RBM33: variants seen among roughly 807,000 people sequenced by gnomAD.
RBM33 encodes RNA binding motif protein 33.
In RBM33, 28 loss-of-function variants were observed where a neutral mutation model predicts 132.6. The observed-to-expected ratio is 0.21, with a 90% CI of 0.16 to 0.29. The LOEUF is 0.29. RBM33 is among the 10% of genes least tolerant of loss of function. The probability of loss-of-function intolerance (pLI) is 1.00; values close to 1 mark genes in which losing one functional copy is unlikely to be tolerated. For synonymous variants in RBM33, 634 were observed against 593.0 expected, an observed-to-expected ratio of 1.07 and a Z score of -1.01; for missense variants, 1,291 against 1,518.5, an observed-to-expected ratio of 0.85 and a Z score of 2.49.
intron 5 of RBM33, among the ~76,000 whole-genome samples, chr7:155,696,185 A>G (rs1233314231): frequency 2.0e-5 from 3 of 152,224 alleles, no homozygotes; most frequent in Non-Finnish European, 4.4e-5. Context: ...GTGTAAATCC[A>G]CTAATTTTAT....
At chr7:155,685,557 C>T (rs1434797195) in intron 5 of RBM33, among the ~76,000 whole-genome samples, 1 of 152,166 alleles carries the variant, frequency 6.6e-6, no homozygotes, top group Non-Finnish European at 1.5e-5. Context: ...GGCTCAGAGA[C>T]AGTGCTAGGA....
intron 14 of RBM33, among the ~76,000 whole-genome samples, chr7:155,762,623 C>T (rs992336205): frequency 6.6e-6 from 1 of 152,164 alleles, no homozygotes; most frequent in Admixed American, 6.5e-5. Context: ...TCCATCTTGC[C>T]CCAATCCCAT....
chr7:155,652,155 T>C (rs1798372654), intron 1 of RBM33, among the ~76,000 whole-genome samples: 1 of 152,210 alleles, frequency 6.6e-6, no homozygotes, highest in African/African-American at 2.4e-5. Context: ...TAGGAACATA[T>C]TATACATGAG....
At chr7:155,673,477 C>A (rs946168233) in intron 3 of RBM33, among the ~76,000 whole-genome samples, 2 of 130,436 alleles carry the variant, frequency 1.5e-5, no homozygotes, top group African/African-American at 2.8e-5. Context: ...TATACATACA[C>A]GTGTGTATAT....
At chr7:155,729,438 T>A (rs1800889607) in intron 9 of RBM33, among the ~76,000 whole-genome samples, 1 of 152,092 alleles carries the variant, frequency 6.6e-6, no homozygotes, top group Admixed American at 6.5e-5. Context: ...AGAATACAAG[T>A]TAAAATAATT....
intron 2 of RBM33, among the ~76,000 whole-genome samples, chr7:155,668,037 A>G (rs556826082): frequency 6.6e-6 from 1 of 152,358 alleles, no homozygotes; most frequent in Non-Finnish European, 1.5e-5. Flanking sequence ...TTTAAAATAT[A>G]GCCACAATAG....
intron 1 of RBM33, among the ~76,000 whole-genome samples, chr7:155,655,127 T>A (rs577770335): frequency 5.3e-4 from 80 of 152,338 alleles, no homozygotes; most frequent in Non-Finnish European, 7.5e-4. Flanking sequence ...TAACTACCAT[T>A]GTAGCAGTTT....
Position 155,664,239 on chromosome 7 carries a change from A to ATGTG in RBM33, c.44-935_44-934insGTGT, listed in dbSNP as rs757645840. On this transcript the variant is annotated intron_variant, in intron 1 of 17. Transcript: ENST00000401878. ...TGAGTACACATTATGACTTATATAT[A>ATGTG]TATATGTGTGTGTGTGTGTATATAC... 1.3e-3 allele frequency among the ~76,000 whole-genome samples: 197 copies of ATGTG among 146,386 alleles called. 1 individual carries two copies. The highest frequency in any genetic ancestry group is 3.2e-3 in the Admixed American group (47 of 14,692).
intron 14 of RBM33, among the ~76,000 whole-genome samples, chr7:155,748,229 T>C (rs982812371): frequency 6.6e-6 from 1 of 152,280 alleles, no homozygotes; most frequent in Non-Finnish European, 1.5e-5. Flanking sequence ...CCATTTTTTC[T>C]AACCTATACT....
chr7:155,692,957 GTCT>G (rs1409259922), intron 5 of RBM33, among the ~76,000 whole-genome samples: 21 of 152,160 alleles, frequency 1.4e-4, no homozygotes, highest in Non-Finnish European at 2.9e-4. Flanking sequence ...ACCAAGTGTT[GTCT>G]TAGTTCTGTT....
rs114560034 is a variant in RBM33 at position 155,649,309 on chromosome 7, C to T, written c.43+4390C>T. ...TTATTTACTTGTTTTTTAAATCTGC[C>T]TCCCACATAAGCCTGTAAGCCTCAT... On this transcript the variant is annotated intron_variant, in intron 1 of 17. Coordinates refer to ENST00000401878, the MANE Select transcript of RBM33 (RefSeq NM_053043.3). Among the ~76,000 whole-genome samples, 652 of 152,184 alleles carry T rather than the reference C, an allele frequency of 4.3e-3. 6 individuals carry two copies. Among genetic ancestry groups the T allele is most frequent in the African/African-American group, 0.015 (619 of 41,524 alleles).
At chr7:155,759,873 G>A (rs1329568398) in intron 14 of RBM33, among the ~76,000 whole-genome samples, 2 of 152,134 alleles carry the variant, frequency 1.3e-5, no homozygotes, top group African/African-American at 2.4e-5. Flanking sequence ...CAGAGCATTC[G>A]TCTTGCTGTC....
intron 9 of RBM33, among the ~76,000 whole-genome samples, chr7:155,725,203 G>GTTTTTTTTTTTTTTTTTTTTTT (rs59050644): frequency 1.9e-5 from 2 of 105,178 alleles, no homozygotes; most frequent in Non-Finnish European, 2.0e-5. Context: ...TTTTTTAGTT[G>GTTTTTTTTTTTTTTTTTTTTTT]TTTTTTTTTT....
Position 155,729,812 on chromosome 7 carries a change from C to G in RBM33, c.1261-7718C>G, listed in dbSNP as rs776885072. Among the ~76,000 whole-genome samples, 8 of 151,890 alleles carry G rather than the reference C, an allele frequency of 5.3e-5. No individual in the cohort carries two copies. The East Asian group carries it at 1.5e-3, about 29-fold the overall frequency. On this transcript the variant is annotated intron_variant, in intron 9 of 17. Transcript: ENST00000401878. Reference sequence around the variant, plus strand: ...TTCTGTTAATTTTTCTGTCTCTAAACCAGTGATCACCCCAGATCTTGGCTT... The same window carrying G: ...TTCTGTTAATTTTTCTGTCTCTAAAGCAGTGATCACCCCAGATCTTGGCTT...
At chr7:155,766,686 G>A (rs765585548) in intron 16 of RBM33, 31 bp downstream of exon 16, 4 of 1,580,530 alleles carry the variant, frequency 2.5e-6, no homozygotes, top group South Asian at 1.1e-5. Context: ...TCTGTGCCAC[G>A]GGTAGTTGTG....
rs1240982486 is a variant in RBM33 at position 155,778,230 on chromosome 7, A to T, written c.*3189A>T. 1.3e-5 allele frequency: 2 copies of T among 152,490 alleles called. No individual in the cohort carries two copies. Among genetic ancestry groups the T allele is most frequent in the African/African-American group, 4.8e-5 (2 of 41,436 alleles). 9.4% of individuals were successfully genotyped at this position (152,490 alleles called of 1,614,324 possible). A position where few individuals can be genotyped will look rare whatever the true frequency, so the allele number is the denominator to read the frequency against. On this transcript the variant is annotated 3_prime_UTR_variant, in exon 18 of 18. Transcript: ENST00000401878. This position sits in a 1 kb window ranked among gnomAD's most constrained non-coding sequence, Gnocchi z 4.0. Reference sequence around the variant, plus strand: ...ACTATTTTTAATATGGGTCATTCTTAGCATGATTTGTAAAGGTCTCAGGCA... The same window carrying T: ...ACTATTTTTAATATGGGTCATTCTTTGCATGATTTGTAAAGGTCTCAGGCA...
rs144243827 is a variant in RBM33 at position 155,742,007 on chromosome 7, C to A, written c.2238C>A (p.Ala746=). 6.2e-7 allele frequency: 1 copy of A among 1,613,882 alleles called. No homozygotes were observed. Residue 746 remains alanine (A), a synonymous_variant, in exon 13 of 18, where the codon GCC becomes GCA. Coordinates refer to ENST00000401878, the MANE Select transcript of RBM33 (RefSeq NM_053043.3). ...PIVSASPPSR[A]VAGSRSSQGK... Reference sequence around the variant, plus strand: ...TCAGCGCGTCACCACCCTCGCGGGCCGTGGCGGGTTCCAGAAGCTCACAGG... The same window carrying A: ...TCAGCGCGTCACCACCCTCGCGGGCAGTGGCGGGTTCCAGAAGCTCACAGG...
At chr7:155,703,888 T>C (rs1800036266) in intron 6 of RBM33, among the ~76,000 whole-genome samples, 1 of 152,228 alleles carries the variant, frequency 6.6e-6, no homozygotes, top group South Asian at 2.1e-4. Context: ...GTTTGCCTAC[T>C]CTGTAATGGG....
chr7:155,768,705 C>T (rs1802305573), intron 16 of RBM33, among the ~76,000 whole-genome samples: 1 of 152,254 alleles, frequency 6.6e-6, no homozygotes, highest in Admixed American at 6.5e-5. Context: ...CAACCTCCGC[C>T]TCCCGGGTTC....
Sources: allele counts gnomAD v4.1 joint callset (sites outside exome capture counted in the v4.1 genomes callset), GRCh38; gene constraint gnomAD v4.1.1; non-coding constraint Gnocchi (gnomAD v3.1); transcripts MANE v1.5; gene names NCBI Gene and HGNC (gene_info 2026-07-23, HGNC 2026-07-21).